The following MARCHF1 variants were observed in gnomAD, a reference collection of about 807,000 sequenced individuals.
The protein encoded by MARCHF1 is E3 ubiquitin-protein ligase MARCHF1.
A neutral mutation model predicts 54.2 loss-of-function variants in MARCHF1; 40 were observed. The observed-to-expected ratio is 0.74, with a 90% CI of 0.57 to 0.96. The LOEUF is 0.96. Among genes scored for constraint, MARCHF1 ranks in the 40% least tolerant of loss-of-function variants. The pLI is 0.00. For missense variants in MARCHF1, 586 were observed against 656.5 expected (o/e 0.89, Z 1.17); for synonymous variants, 236 against 236.3 (o/e 1.00, Z 0.01).
intron 3 of MARCHF1, among the ~76,000 whole-genome samples, chr4:163,960,464 A>G (rs1289465112): frequency 6.6e-6 from 1 of 152,084 alleles, no homozygotes; most frequent in East Asian, 1.9e-4. Context: ...ATTACGGAAT[A>G]CTATGCAACC....
At chr4:163,852,695 CTCTT>C (rs1412880302) in intron 4 of MARCHF1, among the ~76,000 whole-genome samples, 1 of 152,172 alleles carries the variant, frequency 6.6e-6, no homozygotes, top group Non-Finnish European at 1.5e-5. Context: ...ATCCTCACTT[CTCTT>C]TCTATGTTTT....
At chr4:163,866,466 T>TTACATATATATATATATA (rs1750050056) in intron 3 of MARCHF1, among the ~76,000 whole-genome samples, 2 of 124,402 alleles carry the variant, frequency 1.6e-5, no homozygotes, top group Admixed American at 1.8e-4. Context: ...AAAGCTGTAG[T>TTACATATATATATATATA]TATATATATA....
chr4:164,052,375 T>C (rs1295579143), intron 2 of MARCHF1, among the ~76,000 whole-genome samples: 1 of 151,850 alleles, frequency 6.6e-6, no homozygotes. Context: ...TTACTAAAAA[T>C]ACAAAAATTA....
At chr4:164,110,711 A>G (rs1169853860) in intron 2 of MARCHF1, among the ~76,000 whole-genome samples, 6 of 45,014 alleles carry the variant, frequency 1.3e-4, no homozygotes, top group Non-Finnish European at 4.1e-4. Context: ...TTCAATGAAA[A>G]GCCAAAAAAA....
chr4:163,918,715 T>C (rs185387769), intron 3 of MARCHF1, among the ~76,000 whole-genome samples: 21 of 152,202 alleles, frequency 1.4e-4, no homozygotes, highest in African/African-American at 5.1e-4. Context: ...TATAGTTGTT[T>C]ACTGATTTGT....
chr4:163,579,379 A>C (rs1740142361), intron 8 of MARCHF1, among the ~76,000 whole-genome samples: 1 of 152,236 alleles, frequency 6.6e-6, no homozygotes, highest in African/African-American at 2.4e-5. Flanking sequence ...TGCTGCAATC[A>C]AGTTGAAATA....
At chr4:163,899,438 T>G (rs757469940) in intron 3 of MARCHF1, among the ~76,000 whole-genome samples, 6 of 152,082 alleles carry the variant, frequency 3.9e-5, no homozygotes, top group Admixed American at 2.0e-4. Flanking sequence ...CACAGTATGC[T>G]CCTCCTTTCC....
intron 4 of MARCHF1, among the ~76,000 whole-genome samples, chr4:163,836,214 A>AATTT (rs66939546): frequency 1.6e-3 from 224 of 137,974 alleles, no homozygotes; most frequent in African/African-American, 2.4e-3. Flanking sequence ...TGGTAGTTGC[A>AATTT]ATTTATTTAT....
chr4:163,996,934 T>G (rs1753088360), intron 2 of MARCHF1, among the ~76,000 whole-genome samples: 1 of 152,030 alleles, frequency 6.6e-6, no homozygotes, highest in African/African-American at 2.4e-5. Context: ...ACTTCTAGCC[T>G]CCAGAACCAT....
chr4:163,972,210 C>T, intron 3 of MARCHF1, among the ~76,000 whole-genome samples: 1 of 151,930 alleles, frequency 6.6e-6, no homozygotes, highest in South Asian at 2.1e-4. Flanking sequence ...GGGTGGGGAG[C>T]TAGGGGAGGG....
intron 4 of MARCHF1, among the ~76,000 whole-genome samples, chr4:163,722,204 TGTCCC>T (rs2111294398): frequency 6.6e-6 from 1 of 152,196 alleles, no homozygotes; most frequent in South Asian, 2.1e-4. Flanking sequence ...GCTTTAAATG[TGTCCC>T]AGAGATTCTG....
intron 8 of MARCHF1, among the ~76,000 whole-genome samples, chr4:163,577,239 G>C (rs56073924): frequency 1.5e-4 from 23 of 151,996 alleles, no homozygotes; most frequent in African/African-American, 4.8e-4. Flanking sequence ...TCTATGTTTA[G>C]AACTCCCTTA....
At chr4:163,932,097 A>G (rs1312801296) in intron 3 of MARCHF1, among the ~76,000 whole-genome samples, 5 of 140,408 alleles carry the variant, frequency 3.6e-5, no homozygotes, top group African/African-American at 1.3e-4. Context: ...AATTTAATTA[A>G]AAAAAACCTT....
chr4:163,834,819 C>G (rs1749134197), intron 4 of MARCHF1, among the ~76,000 whole-genome samples: 1 of 152,078 alleles, frequency 6.6e-6, no homozygotes, highest in Non-Finnish European at 1.5e-5. Context: ...ATACTCAGAT[C>G]AGTGCAGCTT....
intron 1 of MARCHF1, among the ~76,000 whole-genome samples, chr4:164,325,565 C>A (rs2110779867): frequency 6.6e-6 from 1 of 151,920 alleles, no homozygotes; most frequent in African/African-American, 2.4e-5. Flanking sequence ...AAAACCAACA[C>A]AAGAAGACTC....
intron 4 of MARCHF1, among the ~76,000 whole-genome samples, chr4:163,746,845 A>C (rs1746376197): frequency 6.6e-6 from 1 of 152,160 alleles, no homozygotes; most frequent in African/African-American, 2.4e-5. Context: ...CATCATCCTC[A>C]TCATTGTGTA....
intron 2 of MARCHF1, among the ~76,000 whole-genome samples, chr4:164,060,547 A>C (rs4056075): frequency 1.3e-5 from 2 of 151,910 alleles, no homozygotes; most frequent in Admixed American, 6.6e-5. Flanking sequence ...TTATGACTAA[A>C]GGGTAATAAT....
At chr4:163,882,732 G>T (rs531429502) in intron 3 of MARCHF1, among the ~76,000 whole-genome samples, 1 of 152,152 alleles carries the variant, frequency 6.6e-6, no homozygotes, top group Admixed American at 6.5e-5. Context: ...ATTTTGGGAG[G>T]CTGAGGTAGG....
intron 4 of MARCHF1, among the ~76,000 whole-genome samples, chr4:163,836,394 C>T (rs369270737): frequency 2.0e-5 from 3 of 149,122 alleles, no homozygotes; most frequent in South Asian, 4.3e-4. Flanking sequence ...TACAGGCACC[C>T]GCCACCACGC....
Sources: gnomAD v4.1 joint callset for allele counts (sites outside exome capture counted in the v4.1 genomes callset) on GRCh38, gnomAD v4.1.1 for gene constraint, MANE v1.5 for transcripts, NCBI Gene and HGNC (gene_info 2026-07-23, HGNC 2026-07-21) for gene names.